The following ZBTB46 variants were observed in gnomAD, a reference collection of about 807,000 sequenced individuals.
ZBTB46 encodes the protein zinc finger and BTB domain-containing protein 46.
A neutral mutation model predicts 44.1 loss-of-function variants in ZBTB46; 8 were observed. That is an observed-to-expected ratio of 0.18 (90% CI 0.11 to 0.33). ZBTB46 has a LOEUF of 0.33. Ranked by LOEUF, ZBTB46 falls within the 10% of genes least tolerant of loss-of-function variation. ZBTB46 has a pLI of 1.00. For synonymous variants in ZBTB46, 409 were observed against 382.3 expected, an observed-to-expected ratio of 1.07 and a Z score of -0.81; for missense variants, 651 against 847.7, an observed-to-expected ratio of 0.77 and a Z score of 2.88.
chr20:63,799,268 G>A (rs998428696), intron 1 of ZBTB46, among the ~76,000 whole-genome samples: 2 of 151,846 alleles, frequency 1.3e-5, no homozygotes, highest in African/African-American at 4.8e-5. Flanking sequence ...TCGAAGTGCT[G>A]GGCTCAAGCC....
intron 1 of ZBTB46, among the ~76,000 whole-genome samples, chr20:63,808,526 G>A (rs1421494507): frequency 1.3e-5 from 2 of 152,136 alleles, no homozygotes; most frequent in Non-Finnish European, 2.9e-5. Flanking sequence ...GCAGGGCCTG[G>A]GCTCCGGGGC....
At chr20:63,779,125 C>A (rs1361328587) in intron 2 of ZBTB46, among the ~76,000 whole-genome samples, 1 of 152,186 alleles carries the variant, frequency 6.6e-6, no homozygotes, top group East Asian at 1.9e-4. Context: ...AGGCCCTCCC[C>A]AGACGCAGCC....
At chr20:63,748,551 C>T (rs1002051293) in intron 4 of ZBTB46, among the ~76,000 whole-genome samples, 1 of 152,210 alleles carries the variant, frequency 6.6e-6, no homozygotes, top group African/African-American at 2.4e-5. Flanking sequence ...CACAGCACAG[C>T]CCCTGTCTCT....
intron 1 of ZBTB46, among the ~76,000 whole-genome samples, chr20:63,807,014 C>A (rs2092685939): frequency 6.6e-6 from 1 of 152,026 alleles, no homozygotes; most frequent in Non-Finnish European, 1.5e-5. Flanking sequence ...GATCTCCTGA[C>A]CTCATGATGC....
rs961670330 is a variant in ZBTB46, at chr20:63,775,545, G to A, written c.1222+133C>T. On this transcript the variant is annotated intron_variant, in intron 3 of 4. Coordinates refer to ENST00000245663, the MANE Select transcript of ZBTB46 (RefSeq NM_001369741.1). ...CTGTGACGCCGCATCCTCACCTCCC[G>A]CAACAGGGAGGTCAGCAGGCGGCCG... 8.2e-6 allele frequency: 10 copies of A among 1,219,708 alleles called. No homozygotes were observed. In the South Asian group the frequency reaches 1.1e-4, roughly 14 times the overall value. 75.6% of individuals were successfully genotyped at this position (1,219,708 alleles called of 1,614,324 possible).
At chr20:63,800,229 A>C (rs2092633049) in intron 1 of ZBTB46, among the ~76,000 whole-genome samples, 1 of 152,228 alleles carries the variant, frequency 6.6e-6, no homozygotes. Flanking sequence ...AGTTACGCTG[A>C]GTAAGAGAAG....
chr20:63,761,812 T>C (rs1019265855), intron 3 of ZBTB46, among the ~76,000 whole-genome samples: 3 of 151,084 alleles, frequency 2.0e-5, no homozygotes, highest in Non-Finnish European at 4.4e-5. Flanking sequence ...ATCATTTCCA[T>C]AGGGATTTAT....
chr20:63,753,015 C>A (rs1228060458), intron 3 of ZBTB46, among the ~76,000 whole-genome samples, 154 bp from the exon 4 acceptor site: 2 of 152,224 alleles, frequency 1.3e-5, no homozygotes, highest in African/African-American at 4.8e-5. Flanking sequence ...ACAGGCCAGG[C>A]TCCCCCACCA....
Position 63,775,946 on chromosome 20 carries a change from G to A in ZBTB46, c.954C>T (p.Val318=). Residue 318 remains valine, a synonymous_variant, in exon 3 of 5, where the codon GTC becomes GTT. Coordinates refer to ENST00000245663, the MANE Select transcript of ZBTB46 (RefSeq NM_001369741.1). Reference sequence around the variant, plus strand: ...GGCTGTCGGAGCTGCTGGCTTCGGTGACGGACAGGTCCGCATCTGGGGACA... The same window carrying A: ...GGCTGTCGGAGCTGCTGGCTTCGGTAACGGACAGGTCCGCATCTGGGGACA... The part of the protein sequence containing the change: ...SSRDSNADLS[V]TEASSSDSRG... 2 of 1,575,252 alleles carry A rather than the reference G, an allele frequency of 1.3e-6. No homozygotes were observed. Among genetic ancestry groups the A allele is most frequent in the Non-Finnish European group, 1.7e-6 (2 of 1,164,348 alleles).
At chr20:63,779,046 T>C (rs939963628) in intron 2 of ZBTB46, among the ~76,000 whole-genome samples, 2 of 152,034 alleles carry the variant, frequency 1.3e-5, no homozygotes, top group Admixed American at 1.3e-4. Flanking sequence ...GGGTGGTGGG[T>C]GCTGTGTGCT....
At chr20:63,765,413 G>A (rs1030488835) in intron 3 of ZBTB46, among the ~76,000 whole-genome samples, 13 of 152,118 alleles carry the variant, frequency 8.5e-5, no homozygotes, top group Admixed American at 2.6e-4. Context: ...CCCCCTTCCC[G>A]GGTAGGTTAT....
chr20:63,767,788 T>C lies in ZBTB46; in HGVS notation c.1222+7890A>G. 1.2e-6 allele frequency: 1 copy of C among 801,214 alleles called. No homozygotes were observed. Among genetic ancestry groups the C allele is most frequent in the Non-Finnish European group, 1.5e-6 (1 of 661,462 alleles). The allele number at this position is 801,214 out of a possible 1,614,324, so 49.6% of individuals were successfully genotyped here. A position where few individuals can be genotyped will look rare whatever the true frequency, so the allele number is the denominator to read the frequency against. On this transcript the variant is annotated intron_variant, in intron 3 of 4. Coordinates refer to ENST00000245663, the MANE Select transcript of ZBTB46 (RefSeq NM_001369741.1). The surrounding 1 kb of genome is among the most constrained non-coding windows in gnomAD (Gnocchi z 5.0). ...AGCTCCAGGCGAGGCCAAGCCGTCC[T>C]GGCACTGGCTGCCCCCAGGGCTGGG...
intron 1 of ZBTB46, among the ~76,000 whole-genome samples, chr20:63,822,169 C>T (rs1226886361): frequency 2.0e-5 from 3 of 152,228 alleles, no homozygotes; most frequent in Admixed American, 6.5e-5. Context: ...ACTCCCGAAA[C>T]AGGCAGAAAA....
rs976116281 is a variant in ZBTB46 at position 63,746,701 on chromosome 20, C to G, written c.*229G>C. 3.2e-6 allele frequency: 2 copies of G among 622,836 alleles called. No individual in the cohort carries two copies. The highest frequency in any genetic ancestry group is 3.8e-5 in the African/African-American group (2 of 51,968). The allele number at this position is 622,836 out of a possible 1,614,324, so 38.6% of individuals were successfully genotyped here. ...GTGCTCTCCCTTCACTCAAACCCAC[C>G]CTGTGCCCTCCCCCAACTCACTTCA... On this transcript the variant is annotated 3_prime_UTR_variant, in exon 5 of 5. Coordinates refer to ENST00000245663, the MANE Select transcript of ZBTB46 (RefSeq NM_001369741.1).
intron 2 of ZBTB46, among the ~76,000 whole-genome samples, chr20:63,780,161 C>T (rs567073846): frequency 6.6e-6 from 1 of 151,836 alleles, no homozygotes; most frequent in Non-Finnish European, 1.5e-5. Context: ...ATCTCAGCTA[C>T]TCGGCAAGCT....
chr20:63,794,979 G>A (rs765913647), intron 1 of ZBTB46, among the ~76,000 whole-genome samples: 16 of 152,068 alleles, frequency 1.1e-4, no homozygotes, highest in South Asian at 6.3e-4. Flanking sequence ...AGGAGCTCCC[G>A]ATCCACACTG....
intron 1 of ZBTB46, among the ~76,000 whole-genome samples, chr20:63,828,314 C>T (rs932890513): frequency 4.6e-5 from 7 of 152,236 alleles, no homozygotes; most frequent in Non-Finnish European, 7.3e-5. Flanking sequence ...ACGCCGCAGC[C>T]GCGGCAGACG....
At position 63,746,808 on chromosome 20, in the gene ZBTB46, G is replaced by A. The variant is rs2092093982; in HGVS notation, c.*122C>T. ...TGGTTTCCGTGGGGGGTGGGTTCAG[G>A]GGGAAGCAGAGGAGGGGCCGCGAGA... On this transcript the variant is annotated 3_prime_UTR_variant, in exon 5 of 5. Transcript: ENST00000245663. 1 of 1,389,608 alleles carries A rather than the reference G, an allele frequency of 7.2e-7. No homozygotes were observed. The allele number at this position is 1,389,608 out of a possible 1,614,324, so 86.1% of individuals were successfully genotyped here.
Position 63,789,889 on chromosome 20 carries a change from C to G in ZBTB46, c.869G>C (p.Ser290Thr). 1.2e-6 allele frequency: 2 copies of G among 1,613,926 alleles called. No homozygotes were observed. The highest frequency in any genetic ancestry group is 1.7e-6 in the Non-Finnish European group (2 of 1,180,040). Residue 290 changes from serine (S) to threonine (T), a missense_variant, in exon 2 of 5, where the codon AGC becomes ACC. Physicochemically the swap from Ser to Thr is moderately conservative, Grantham distance 58. This residue lies in a region of ZBTB46 where 385 missense variants were observed against 423.3 expected (regional missense o/e 0.91). Transcript: ENST00000245663. ...RHITQQVEDD[S>T]RASSPVPSFL... ...GGACGGCACCGGGGAGCTGGCCCGG[C>G]TGTCATCTTCCACCTGCTGTGTGAT... is the stretch of plus-strand genomic sequence containing the variant.
Sources: gnomAD v4.1 joint callset for allele counts (sites outside exome capture counted in the v4.1 genomes callset) on GRCh38, gnomAD v4.1.1 for gene constraint, gnomAD v4.1.1 regional missense constraint, Gnocchi (gnomAD v3.1) non-coding constraint, MANE v1.5 for transcripts, NCBI Gene and HGNC (gene_info 2026-07-23, HGNC 2026-07-21) for gene names.